Variants in SIM1 observed in about 807,000 individuals in gnomAD.
SIM1 encodes single-minded homolog 1.
Under a neutral mutation model 78.2 loss-of-function variants are expected in SIM1, and 18 were observed. That is an observed-to-expected ratio of 0.23 (90% confidence interval 0.16 to 0.34). The LOEUF is 0.34. SIM1 is among the 10% of genes least tolerant of loss of function. The pLI, the probability that SIM1 is intolerant of heterozygous loss-of-function variation, is 1.00. For missense variants in SIM1, 939 were observed against 975.1 expected, an observed-to-expected ratio of 0.96 and a Z score of 0.49; for synonymous variants, 417 against 385.2, an observed-to-expected ratio of 1.08 and a Z score of -0.97.
rs1770578577 is a variant in SIM1, at chr6:100,389,341, T to C, written c.*1020A>G. 5.9e-6 allele frequency: 2 copies of C among 340,560 alleles called. No individual in the cohort carries two copies. Among genetic ancestry groups the C allele is most frequent in the South Asian group, 1.5e-4 (1 of 6,540 alleles). The allele number at this position is 340,560 out of a possible 1,614,324, so 21.1% of individuals were successfully genotyped here. ...TTCCACATGTTGTCACATTGGCACA[T>C]ATGTGCTTTGAAACGTTTTCAAACA... On this transcript the variant is annotated 3_prime_UTR_variant, in exon 12 of 12. Transcript: ENST00000369208.
At chr6:100,444,230 A>C (rs561827602) in intron 9 of SIM1, among the ~76,000 whole-genome samples, 1 of 152,248 alleles carries the variant, frequency 6.6e-6, no homozygotes, top group East Asian at 1.9e-4. Flanking sequence ...TTTACACAGT[A>C]TACTCCATAT....
intron 9 of SIM1, among the ~76,000 whole-genome samples, chr6:100,423,500 A>G (rs1771647177): frequency 6.6e-6 from 1 of 152,190 alleles, no homozygotes; most frequent in Admixed American, 6.5e-5. Context: ...AACAAGAACT[A>G]TCCTTTTCCA....
chr6:100,448,791 C>A (rs112589102), intron 6 of SIM1, 113 bp from the exon 7 acceptor site: 5 of 918,338 alleles, frequency 5.4e-6, no homozygotes, highest in African/African-American at 5.0e-5. Flanking sequence ...GCAGTGCTGA[C>A]CACGCCCGTG....
intron 3 of SIM1, among the ~76,000 whole-genome samples, chr6:100,452,814 C>T (rs1197067669): frequency 1.3e-5 from 2 of 152,074 alleles, no homozygotes; most frequent in Non-Finnish European, 1.5e-5. Context: ...GAATGCTTGC[C>T]CAACCCCTTC....
Position 100,386,391 on chromosome 6 carries a change from T to C in SIM1, c.*3970A>G, listed in dbSNP as rs1770515973. On this transcript the variant is annotated 3_prime_UTR_variant, in exon 12 of 12. Coordinates refer to ENST00000369208, the MANE Select transcript of SIM1 (RefSeq NM_005068.3). ...TAGATTGCACTGAATATCTTAGTAA[T>C]ATCCTACTCTTGAAAGAGAGAGCTA... 6.6e-6 allele frequency: 1 copy of C among 152,066 alleles called. No homozygotes were observed. The highest frequency in any genetic ancestry group is 2.1e-4 in the South Asian group (1 of 4,826). 9.4% of individuals were successfully genotyped at this position (152,066 alleles called of 1,614,324 possible).
chr6:100,400,261 A>G (rs1770877066), intron 10 of SIM1, among the ~76,000 whole-genome samples: 1 of 151,960 alleles, frequency 6.6e-6, no homozygotes, highest in South Asian at 2.1e-4. Context: ...CAATCAGTTA[A>G]ATTGTATGGC....
rs529058648 is a variant in SIM1 at position 100,393,996 on chromosome 6, G to C, written c.1168-107C>G. On this transcript the variant is annotated intron_variant, in intron 10 of 11. Coordinates refer to ENST00000369208, the MANE Select transcript of SIM1 (RefSeq NM_005068.3). ...TATTTACTCTACAAGCACCCTTAAG[G>C]TCTCATTGTCCTGAGGTCGTCAAAA... The C allele has an allele frequency of 2.5e-6, 3 of 1,188,874 alleles. No homozygotes were observed. In the South Asian group the frequency reaches 5.0e-5, roughly 20 times the overall value. 73.6% of individuals were successfully genotyped at this position (1,188,874 alleles called of 1,614,324 possible).
chr6:100,428,127 G>A (rs1461622562), intron 9 of SIM1, among the ~76,000 whole-genome samples: 1 of 152,072 alleles, frequency 6.6e-6, no homozygotes, highest in African/African-American at 2.4e-5. Flanking sequence ...GAAGTTCTGT[G>A]AGGTCTTAAA....
In SIM1 at chr6:100,393,484, T is replaced by C; in HGVS notation, c.1570+3A>G. Reference sequence around the variant, plus strand: ...GTTCGGGAACCCTTTCACCTGCTCTTACCATGGATCCTGTGGACTGAAGCG... The same window carrying C: ...GTTCGGGAACCCTTTCACCTGCTCTCACCATGGATCCTGTGGACTGAAGCG... On this transcript the variant is annotated splice_donor_region_variant and intron_variant, in intron 11 of 11. Coordinates refer to ENST00000369208, the MANE Select transcript of SIM1 (RefSeq NM_005068.3). 1 of 1,519,734 alleles carries C rather than the reference T, an allele frequency of 6.6e-7. No homozygotes were observed. The highest frequency in any genetic ancestry group is 8.8e-7 in the Non-Finnish European group (1 of 1,131,560). 94.1% of individuals were successfully genotyped at this position (1,519,734 alleles called of 1,614,324 possible).
At chr6:100,457,292 C>T (rs1012012646) in intron 2 of SIM1, among the ~76,000 whole-genome samples, 1 of 152,190 alleles carries the variant, frequency 6.6e-6, no homozygotes, top group Non-Finnish European at 1.5e-5. Context: ...TCCCGGGAAC[C>T]TTCACCTCCC....
intron 2 of SIM1, among the ~76,000 whole-genome samples, chr6:100,459,001 T>C (rs1411609295): frequency 1.3e-5 from 2 of 152,206 alleles, no homozygotes; most frequent in African/African-American, 2.4e-5. Flanking sequence ...GAGAAATACC[T>C]GGCGGGACGG....
Position 100,387,859 on chromosome 6 carries a change from G to A in SIM1, c.*2502C>T, listed in dbSNP as rs569688056. The stretch of plus-strand genomic sequence containing the variant: ...AGTGACAGCCTTTTCTTTAATATCA[G>A]TTCATTTTCCCTGGTTCTTAAGTTT... On this transcript the variant is annotated 3_prime_UTR_variant, in exon 12 of 12. Coordinates refer to ENST00000369208, the MANE Select transcript of SIM1 (RefSeq NM_005068.3). 1 of 151,958 alleles carries A rather than the reference G, an allele frequency of 6.6e-6. No individual in the cohort carries two copies. The highest frequency in any genetic ancestry group is 2.4e-5 in the African/African-American group (1 of 41,470). The allele number at this position is 151,958 out of a possible 1,614,324, so 9.4% of individuals were successfully genotyped here.
At chr6:100,412,561 AAGAAAGAAAGAAAGAAAGAAAG>A (rs1473167257) in intron 10 of SIM1, among the ~76,000 whole-genome samples, 3 of 63,600 alleles carry the variant, frequency 4.7e-5, no homozygotes, top group African/African-American at 2.0e-4. Context: ...AAAGAAAAGA[AAGAAAGAAAGAAAGAAAGAAAG>A]AAAGAAAGAA....
In SIM1 at chr6:100,391,111, A is replaced by G. The variant is rs1770628004; in HGVS notation, c.1571-20T>C. ...CTCGCCCTAAAAATTAGAAAAAGTC[A>G]AAAGTAAGTGATCTCAGAATTCACC... On this transcript the variant is annotated intron_variant, in intron 11 of 11. Coordinates refer to ENST00000369208, the MANE Select transcript of SIM1 (RefSeq NM_005068.3). 21 of 1,554,188 alleles carry G rather than the reference A, an allele frequency of 1.4e-5. No homozygotes were observed. Among genetic ancestry groups the G allele is most frequent in the Non-Finnish European group, 1.7e-5 (20 of 1,155,676 alleles).
At chr6:100,447,535 GGAGA>G (rs888449384) in intron 8 of SIM1, 120 bp from the exon 9 acceptor site, 14 of 1,093,170 alleles carry the variant, frequency 1.3e-5, no homozygotes, top group Admixed American at 7.0e-5. Flanking sequence ...GCACCAGGCA[GGAGA>G]GAGAGAGAGA....
At chr6:100,437,572 C>T (rs1391332815) in intron 9 of SIM1, 1 of 139,708 alleles carries the variant, frequency 7.2e-6, no homozygotes, top group Non-Finnish European at 1.6e-5. Context: ...TGTCTAGATG[C>T]TAAAAAGAAA....
chr6:100,461,970 T>C (rs910741989), intron 2 of SIM1, among the ~76,000 whole-genome samples: 1 of 152,034 alleles, frequency 6.6e-6, no homozygotes, highest in Admixed American at 6.5e-5. Flanking sequence ...GCATCACTTG[T>C]AGTTTGAAGG....
At chr6:100,450,690 TCTCTCTCACACA>T (rs943331085) in intron 3 of SIM1, among the ~76,000 whole-genome samples, 3 of 97,360 alleles carry the variant, frequency 3.1e-5, no homozygotes, top group South Asian at 4.7e-4. Flanking sequence ...TCTCTCTCTC[TCTCTCTCACACA>T]CACACACACA....
chr6:100,412,101 G>A lies in SIM1; in HGVS notation c.1167+8689C>T, dbSNP rs80003813. Among the ~76,000 whole-genome samples the A allele has an allele frequency of 4.9e-3, 744 of 152,210 alleles. 4 individuals are homozygous for A. Among genetic ancestry groups the A allele is most frequent in the African/African-American group, 0.017 (717 of 41,510 alleles). ...ACATGATCAGTGGTCTCTGATCATGGTCTGGGAGACATGGCAGACTGGGGA... is the reference window on the plus strand; with the variant it reads ...ACATGATCAGTGGTCTCTGATCATGATCTGGGAGACATGGCAGACTGGGGA... On this transcript the variant is annotated intron_variant, in intron 10 of 11. Transcript: ENST00000369208.
Sources: gnomAD v4.1 joint callset for allele counts (sites outside exome capture counted in the v4.1 genomes callset) on GRCh38, gnomAD v4.1.1 for gene constraint, MANE v1.5 for transcripts, NCBI Gene and HGNC (gene_info 2026-07-23, HGNC 2026-07-21) for gene names.